The following BMP2K variants were observed in gnomAD, a reference collection of about 807,000 sequenced individuals.
BMP2K encodes the protein BMP2 inducible kinase.
A neutral mutation model predicts 116.0 loss-of-function variants in BMP2K; 74 were observed. The ratio of observed to expected loss-of-function variants is 0.64; its 90% CI spans 0.53 to 0.77. The LOEUF (loss-of-function observed/expected upper bound fraction) is 0.77, where lower values mean the gene tolerates loss of function less well. Ranked by LOEUF, BMP2K falls within the 30% of genes least tolerant of loss-of-function variation. BMP2K has a pLI of 0.00. For missense variants in BMP2K, 1,365 were observed against 1,403.6 expected, an observed-to-expected ratio of 0.97 and a Z score of 0.44; for synonymous variants, 486 against 502.5, an observed-to-expected ratio of 0.97 and a Z score of 0.44.
At chr4:78,847,139 T>A in intron 5 of BMP2K, 49 bp from the exon 6 acceptor site, 1 of 1,030,064 alleles carries the variant, frequency 9.7e-7, no homozygotes, top group Non-Finnish European at 1.3e-6. Flanking sequence ...CTGTCTTTTT[T>A]TTATATATAT....
intron 14 of BMP2K, among the ~76,000 whole-genome samples, chr4:78,881,829 C>T (rs950418413): frequency 4.6e-5 from 7 of 151,854 alleles, no homozygotes; most frequent in Non-Finnish European, 1.0e-4. Flanking sequence ...TTTTGCCCAT[C>T]AGTATAATAT....
At position 78,896,575 on chromosome 4, in the gene BMP2K, G is replaced by C. The variant is rs536084538; in HGVS notation, c.2062+9291G>C. ...AAGTGACTGGCACATAGTTTTTCAG[G>C]AAACATTAGATTTTGTCATGATTAT... On this transcript the variant is annotated intron_variant, in intron 15 of 15. Transcript: ENST00000502613. Among the ~76,000 whole-genome samples, 4 of 152,232 alleles carry C rather than the reference G, an allele frequency of 2.6e-5. No individual in the cohort carries two copies. The South Asian group carries it at 8.3e-4, about 32-fold the overall frequency.
At chr4:78,871,767 C>G in intron 11 of BMP2K, 83 bp from the exon 12 acceptor site, 1 of 811,788 alleles carries the variant, frequency 1.2e-6, no homozygotes, top group Non-Finnish European at 2.0e-6. Context: ...TTTCTCAAAT[C>G]ATTATGGTAA....
chr4:78,857,884 G>C (rs901067313), intron 7 of BMP2K, among the ~76,000 whole-genome samples: 1 of 151,940 alleles, frequency 6.6e-6, no homozygotes, highest in African/African-American at 2.4e-5. Context: ...TATATTGACA[G>C]CTAAAAAATG....
chr4:78,860,770 CTTTTTTTTTTTT>C (rs139384663), intron 8 of BMP2K, among the ~76,000 whole-genome samples: 4 of 101,920 alleles, frequency 3.9e-5, no homozygotes, highest in Admixed American at 1.1e-4. Context: ...GGTACCTTTC[CTTTTTTTTTTTT>C]TTTTTTTTTT....
At chr4:78,843,660 G>A (rs181458604) in intron 4 of BMP2K, among the ~76,000 whole-genome samples, 97 of 151,966 alleles carry the variant, frequency 6.4e-4, no homozygotes, top group African/African-American at 2.3e-3. Context: ...AGGAGATAAG[G>A]CAGCATTGAA....
rs1732481738 is a variant in BMP2K, at chr4:78,873,656, CTCTG to C, written c.1793+860_1793+863del. On this transcript the variant is annotated intron_variant, in intron 13 of 15. Transcript: ENST00000502613. ...AGTTTGCTATAGAATGCCTCCCAAC[CTCTG>C]TGTGTGTGTGTGTGTGTGTGTGTGT... Among the ~76,000 whole-genome samples the C allele has an allele frequency of 2.9e-5, 4 of 138,192 alleles. No homozygotes were observed. In the South Asian group the frequency reaches 9.7e-4, roughly 34 times the overall value. 90.7% of individuals were successfully genotyped at this position (138,192 alleles called of 152,430 possible).
chr4:78,784,315 G>A (rs1173513425), intron 1 of BMP2K, among the ~76,000 whole-genome samples: 1 of 152,180 alleles, frequency 6.6e-6, no homozygotes, highest in Non-Finnish European at 1.5e-5. Context: ...TTTTCTAGTG[G>A]TCGGGTATAA....
At chr4:78,815,103 C>T (rs1247766064) in intron 1 of BMP2K, among the ~76,000 whole-genome samples, 2 of 152,114 alleles carry the variant, frequency 1.3e-5, no homozygotes, top group Admixed American at 1.3e-4. Flanking sequence ...CATTCCTTTT[C>T]TCCTGTTACT....
intron 1 of BMP2K, among the ~76,000 whole-genome samples, chr4:78,780,916 C>A (rs1015974200): frequency 2.0e-5 from 3 of 152,086 alleles, no homozygotes; most frequent in South Asian, 4.2e-4. Context: ...TCAAGGAAGG[C>A]CTTTTTGATC....
At chr4:78,901,896 A>G (rs148573882) in intron 15 of BMP2K, among the ~76,000 whole-genome samples, 138 of 152,334 alleles carry the variant, frequency 9.1e-4, no homozygotes, top group African/African-American at 3.2e-3. Context: ...GAACTTCCTC[A>G]ATGCTCCCAA....
chr4:78,883,876 A>C (rs1173575768), intron 14 of BMP2K, among the ~76,000 whole-genome samples: 1 of 152,188 alleles, frequency 6.6e-6, no homozygotes, highest in Non-Finnish European at 1.5e-5. Flanking sequence ...AGCCTGAGCA[A>C]TATAGTGAGA....
At chr4:78,803,744 A>G (rs1421936818) in intron 1 of BMP2K, among the ~76,000 whole-genome samples, 3 of 152,194 alleles carry the variant, frequency 2.0e-5, no homozygotes, top group African/African-American at 7.2e-5. Context: ...GATGAATATC[A>G]ACCTTTGATT....
chr4:78,845,202 C>G (rs560381100), intron 5 of BMP2K, among the ~76,000 whole-genome samples, 153 bp downstream of exon 5: 1 of 151,650 alleles, frequency 6.6e-6, no homozygotes. Flanking sequence ...CATGTCTGAT[C>G]TAGCTCAGTA....
chr4:78,898,299 AT>A (rs1171251376), intron 15 of BMP2K, among the ~76,000 whole-genome samples: 2 of 152,094 alleles, frequency 1.3e-5, no homozygotes, highest in South Asian at 2.1e-4. Flanking sequence ...TAGAGCAAAT[AT>A]TTGTTGGAAC....
chr4:78,869,619 A>G (rs1461307659), intron 10 of BMP2K, among the ~76,000 whole-genome samples: 3 of 152,198 alleles, frequency 2.0e-5, no homozygotes, highest in Non-Finnish European at 4.4e-5. Context: ...CAAAACATCA[A>G]TATGTACTCC....
chr4:78,787,847 A>G (rs1727801152), intron 1 of BMP2K, among the ~76,000 whole-genome samples: 1 of 152,120 alleles, frequency 6.6e-6, no homozygotes, highest in African/African-American at 2.4e-5. Context: ...CTTTCTTTCA[A>G]TTTCTGGAAG....
Position 78,779,558 on chromosome 4 carries a change from C to T in BMP2K, c.178+2837C>T, listed in dbSNP as rs553327550. 4.6e-5 allele frequency among the ~76,000 whole-genome samples: 7 copies of T among 152,272 alleles called. No individual in the cohort carries two copies. The East Asian group carries it at 1.3e-3, about 29-fold the overall frequency. On this transcript the variant is annotated intron_variant, in intron 1 of 15. Transcript: ENST00000502613. ...ACGTCAGTAGACTCACATTTTTCAC[C>T]ATTGTGCACATGTCTGCAATGACAG...
intron 10 of BMP2K, 127 bp from the exon 11 acceptor site, chr4:78,870,656 A>G (rs527886302): frequency 3.6e-5 from 46 of 1,282,146 alleles, no homozygotes; most frequent in Non-Finnish European, 4.7e-5. Flanking sequence ...TGCATATGGA[A>G]GTTTTTGTGT....
Sources: allele counts gnomAD v4.1 joint callset (sites outside exome capture counted in the v4.1 genomes callset), GRCh38; gene constraint gnomAD v4.1.1; transcripts MANE v1.5; gene names NCBI Gene and HGNC (gene_info 2026-07-23, HGNC 2026-07-21).